The following DCC variants were observed in gnomAD, a reference collection of about 807,000 sequenced individuals.
The protein encoded by DCC is DCC netrin 1 receptor, also known as netrin receptor DCC.
Under a neutral mutation model 172.5 loss-of-function variants are expected in DCC, and 58 were observed. The observed-to-expected ratio is 0.34, with a 90% CI of 0.27 to 0.42. The LOEUF (loss-of-function observed/expected upper bound fraction) is 0.42. Ranked by LOEUF, DCC falls within the 10% of genes least tolerant of loss-of-function variation. DCC has a pLI of 1.00. For synonymous variants in DCC, 709 were observed against 644.5 expected, an observed-to-expected ratio of 1.10 and a Z score of -1.52; for missense variants, 1,740 against 1,791.0, an observed-to-expected ratio of 0.97 and a Z score of 0.51.
chr18:53,344,902 G>GAAAGA (rs1473623557), intron 15 of DCC, among the ~76,000 whole-genome samples: 9 of 148,542 alleles, frequency 6.1e-5, no homozygotes, highest in Admixed American at 4.0e-4. Flanking sequence ...AAAAAAAAAG[G>GAAAGA]AAAGAAAAGA....
At chr18:53,118,430 C>A (rs2043437782) in intron 7 of DCC, among the ~76,000 whole-genome samples, 1 of 151,696 alleles carries the variant, frequency 6.6e-6, no homozygotes, top group African/African-American at 2.4e-5. Flanking sequence ...TATTCCATGT[C>A]ATTCTTGGCT....
intron 1 of DCC, among the ~76,000 whole-genome samples, chr18:52,620,649 G>A (rs1351506620): frequency 1.3e-5 from 2 of 152,044 alleles, no homozygotes; most frequent in African/African-American, 4.8e-5. Flanking sequence ...TTACTTTTTA[G>A]TTATAGCAAA....
intron 8 of DCC, among the ~76,000 whole-genome samples, chr18:53,160,366 A>T (rs2054817044): frequency 6.6e-6 from 1 of 152,278 alleles, no homozygotes; most frequent in East Asian, 1.9e-4. Context: ...AGAGATCTGC[A>T]ATCTGTTGAT....
intron 1 of DCC, among the ~76,000 whole-genome samples, chr18:52,349,368 A>C (rs2144239840): frequency 6.6e-6 from 1 of 152,314 alleles, no homozygotes; most frequent in Admixed American, 6.5e-5. Flanking sequence ...CTCTGCACCC[A>C]GAGTCCTCAA....
At chr18:52,832,390 C>T (rs1178685436) in intron 2 of DCC, among the ~76,000 whole-genome samples, 1 of 152,016 alleles carries the variant, frequency 6.6e-6, no homozygotes, top group African/African-American at 2.4e-5. Flanking sequence ...GATCAAACTC[C>T]TTTTAAAGAA....
At chr18:53,099,939 C>CTT (rs200213348) in intron 7 of DCC, among the ~76,000 whole-genome samples, 4,829 of 87,170 alleles carry the variant, frequency 0.055, 490 homozygotes, top group African/African-American at 0.23. Flanking sequence ...TCTTTTCTTT[C>CTT]TTTCTTTTTT....
At chr18:52,456,574 A>C (rs1988464285) in intron 1 of DCC, among the ~76,000 whole-genome samples, 1 of 152,240 alleles carries the variant, frequency 6.6e-6, no homozygotes, top group Admixed American at 6.5e-5. Context: ...TTTAAAAAAT[A>C]AATTTGACTT....
At chr18:53,351,456 T>TATAC (rs1332791870) in intron 15 of DCC, among the ~76,000 whole-genome samples, 9 of 41,332 alleles carry the variant, frequency 2.2e-4, no homozygotes, top group Non-Finnish European at 3.7e-4. Context: ...TATATATATA[T>TATAC]ACACAGTGTG....
At chr18:53,226,948 A>ATATATATATATTTTTTTTTTTTTTT in intron 12 of DCC, among the ~76,000 whole-genome samples, 8 of 52,950 alleles carry the variant, frequency 1.5e-4, no homozygotes, top group African/African-American at 2.8e-4. Context: ...ATATATATAT[A>ATATATATATATTTTTTTTTTTTTTT]TTTTTTTTTT....
chr18:53,093,985 G>A (rs898823672), intron 7 of DCC, among the ~76,000 whole-genome samples: 1 of 152,022 alleles, frequency 6.6e-6, no homozygotes, highest in African/African-American at 2.4e-5. Context: ...GAATACCTTG[G>A]TAGTGAGATT....
chr18:53,137,821 C>T (rs1165736896), intron 7 of DCC, among the ~76,000 whole-genome samples: 1 of 151,612 alleles, frequency 6.6e-6, no homozygotes, highest in Non-Finnish European at 1.5e-5. Context: ...AATAATATTA[C>T]TATTTTTTTT....
chr18:52,951,810 A>G (rs1426254065), intron 5 of DCC, among the ~76,000 whole-genome samples: 1 of 152,228 alleles, frequency 6.6e-6, no homozygotes, highest in African/African-American at 2.4e-5. Context: ...GTCATTTTGC[A>G]TAAATTGCAA....
intron 27 of DCC, among the ~76,000 whole-genome samples, chr18:53,508,201 A>AT (rs35557446): frequency 0.34 from 50,034 of 146,790 alleles, 10,339 homozygotes; most frequent in Non-Finnish European, 0.48. Flanking sequence ...CCGAGACCAC[A>AT]TTTTTTTTTT....
At chr18:52,932,702 G>A (rs1308801584) in intron 5 of DCC, among the ~76,000 whole-genome samples, 1 of 152,044 alleles carries the variant, frequency 6.6e-6, no homozygotes, top group Admixed American at 6.6e-5. Flanking sequence ...TTACACAGAT[G>A]TGTTCAATAA....
At chr18:53,337,032 G>A (rs569639433) in intron 14 of DCC, among the ~76,000 whole-genome samples, 15 of 152,300 alleles carry the variant, frequency 9.8e-5, no homozygotes, top group South Asian at 2.1e-4. Flanking sequence ...GGAGTCTTAC[G>A]TTCTTCAAGA....
intron 5 of DCC, among the ~76,000 whole-genome samples, chr18:52,945,684 G>A (rs1226339020): frequency 6.6e-6 from 1 of 152,198 alleles, no homozygotes; most frequent in Admixed American, 6.5e-5. Context: ...AAGGCTGGAT[G>A]TCAGCTCCAC....
chr18:53,170,222 T>A (rs1389456045), intron 8 of DCC, among the ~76,000 whole-genome samples: 1 of 152,168 alleles, frequency 6.6e-6, no homozygotes, highest in Non-Finnish European at 1.5e-5. Flanking sequence ...AGTGGGGACA[T>A]CAGATACCAT....
chr18:53,473,851 C>A (rs2145195032), intron 25 of DCC, among the ~76,000 whole-genome samples: 1 of 152,238 alleles, frequency 6.6e-6, no homozygotes, highest in Non-Finnish European at 1.5e-5. Context: ...AACATGGAAG[C>A]TGAGGCTCTG....
chr18:52,766,088 C>T (rs1307104776), intron 2 of DCC, among the ~76,000 whole-genome samples: 1 of 152,194 alleles, frequency 6.6e-6, no homozygotes, highest in Non-Finnish European at 1.5e-5. Context: ...AACTGGAGTA[C>T]ACAAGTGCTA....
Sources: allele counts gnomAD v4.1 joint callset (sites outside exome capture counted in the v4.1 genomes callset), GRCh38; gene constraint gnomAD v4.1.1; transcripts MANE v1.5; gene names NCBI Gene and HGNC (gene_info 2026-07-23, HGNC 2026-07-21).